RRM1: variants seen among roughly 807,000 people sequenced by gnomAD.
The protein encoded by RRM1 is ribonucleotide reductase catalytic subunit M1.
RRM1 carries 19 observed loss-of-function variants against 101.5 expected under a neutral mutation model. The observed-to-expected ratio is 0.19, with a 90% confidence interval of 0.13 to 0.27. The LOEUF (loss-of-function observed/expected upper bound fraction) is 0.27. Ranked by LOEUF, RRM1 falls within the 10% of genes least tolerant of loss-of-function variation. The pLI is 1.00. For missense variants in RRM1, 500 were observed against 962.9 expected, an observed-to-expected ratio of 0.52 and a Z score of 6.36; for synonymous variants, 298 against 323.4, an observed-to-expected ratio of 0.92 and a Z score of 0.84.
At chr11:4,110,768 C>CAAA (rs968622381) in intron 5 of RRM1, among the ~76,000 whole-genome samples, 3 of 51,352 alleles carry the variant, frequency 5.8e-5, no homozygotes, top group Non-Finnish European at 1.2e-4. Context: ...GACTCTGTCT[C>CAAA]AAAAAAAAAA....
chr11:4,120,701 G>C (rs1376380171), intron 9 of RRM1, among the ~76,000 whole-genome samples: 1 of 152,134 alleles, frequency 6.6e-6, no homozygotes, highest in Non-Finnish European at 1.5e-5. Context: ...AAACTACCTG[G>C]AATAACAAAA....
chr11:4,126,942 G>C, intron 13 of RRM1, 93 bp from the exon 14 acceptor site: 3 of 1,424,924 alleles, frequency 2.1e-6, no homozygotes, highest in Non-Finnish European at 2.9e-6. Flanking sequence ...AATGGTTTGA[G>C]AAAAAGAGGT....
rs34182882 is a variant in RRM1 at position 4,118,220 on chromosome 11, C to CT, written c.651-86dup. The stretch of plus-strand genomic sequence containing the variant: ...TTTAGGAACTTTCTAAACTTCAACT[C>CT]TTTTTTTTTTTTTTGCCTTAGTGTC... On this transcript the variant is annotated intron_variant, in intron 7 of 18. Coordinates refer to ENST00000300738, the MANE Select transcript of RRM1 (RefSeq NM_001033.5). 8,115 of 907,338 alleles carry CT rather than the reference C, an allele frequency of 8.9e-3. 12 individuals carry two copies. The highest frequency in any genetic ancestry group is 0.021 in the African/African-American group (1,164 of 55,424). The allele number at this position is 907,338 out of a possible 1,614,324, so 56.2% of individuals were successfully genotyped here.
chr11:4,116,252 G>A (rs1266693789), intron 7 of RRM1: 1 of 152,336 alleles, frequency 6.6e-6, no homozygotes, highest in African/African-American at 2.4e-5. Flanking sequence ...GAAATGCTGA[G>A]TCAGGGTGTC....
chr11:4,124,315 C>CT (rs1433023791), intron 12 of RRM1, among the ~76,000 whole-genome samples: 1 of 151,868 alleles, frequency 6.6e-6, no homozygotes, highest in Non-Finnish European at 1.5e-5. Flanking sequence ...TGACAGGCTG[C>CT]TTTGATCTTG....
intron 3 of RRM1, among the ~76,000 whole-genome samples, chr11:4,106,670 C>T (rs1332568515): frequency 6.6e-6 from 1 of 152,030 alleles, no homozygotes; most frequent in Non-Finnish European, 1.5e-5. Context: ...ATTGCTTGAA[C>T]CCGGGAGGCG....
chr11:4,099,792 G>A (rs768937199), intron 1 of RRM1, among the ~76,000 whole-genome samples: 1 of 152,022 alleles, frequency 6.6e-6, no homozygotes, highest in African/African-American at 2.4e-5. Context: ...ATAGAGAACT[G>A]TGTGTCATTG....
At chr11:4,123,504 G>T in intron 12 of RRM1, 120 bp downstream of exon 12, 1 of 766,534 alleles carries the variant, frequency 1.3e-6, no homozygotes, top group Non-Finnish European at 2.2e-6. Context: ...GTTGTAAGCA[G>T]AAGAACACTG....
chr11:4,111,190 TAAAA>T (rs1042854826), intron 5 of RRM1, among the ~76,000 whole-genome samples: 3 of 151,642 alleles, frequency 2.0e-5, no homozygotes, highest in African/African-American at 7.3e-5. Flanking sequence ...AAGTTTTTTT[TAAAA>T]AAAGTGCCAA....
intron 7 of RRM1, among the ~76,000 whole-genome samples, chr11:4,115,310 G>T (rs929092108): frequency 6.6e-6 from 1 of 152,036 alleles, no homozygotes; most frequent in Non-Finnish European, 1.5e-5. Flanking sequence ...AATTATGTGG[G>T]TGGGCCCTTA....
At chr11:4,131,518 C>T (rs911194869) in intron 15 of RRM1, among the ~76,000 whole-genome samples, 4 of 152,066 alleles carry the variant, frequency 2.6e-5, no homozygotes, top group African/African-American at 7.2e-5. Flanking sequence ...TTAAGGTATA[C>T]GGAAAGGTAC....
rs907012515 is a variant in RRM1 at position 4,098,407 on chromosome 11, G to A, written c.19+3376G>A. ...CTCCCCTCCCTCTCCCCCTCCCTCC[G>A]TCCCTTCCTCCTTCCTTCCTTCCTT... is the stretch of plus-strand genomic sequence containing the variant. On this transcript the variant is annotated intron_variant, in intron 1 of 18. Coordinates refer to ENST00000300738, the MANE Select transcript of RRM1 (RefSeq NM_001033.5). Among the ~76,000 whole-genome samples the A allele has an allele frequency of 2.1e-3, 153 of 72,136 alleles. 2 individuals carry two copies. The highest frequency in any genetic ancestry group is 7.7e-5 in the Non-Finnish European group (3 of 39,208). The allele number at this position is 72,136 out of a possible 152,430, so 47.3% of individuals were successfully genotyped here.
chr11:4,095,175 C>A, intron 1 of RRM1, 144 bp downstream of exon 1: 1 of 1,009,414 alleles, frequency 9.9e-7, no homozygotes, highest in Non-Finnish European at 1.5e-6. Context: ...CCTGTCAGCC[C>A]GCTCGGCCTT....
intron 15 of RRM1, among the ~76,000 whole-genome samples, chr11:4,130,066 T>TTATTTATATATATATATATATA (rs2094596611): frequency 3.0e-5 from 1 of 32,974 alleles, no homozygotes; most frequent in African/African-American, 1.0e-4. Context: ...TGTACTGTAT[T>TTATTTATATATATATATATATA]TATATATATA....
At position 4,138,514 on chromosome 11, in the gene RRM1, T is replaced by G. The variant is rs1214052313; in HGVS notation, c.*131T>G. 1.9e-4 allele frequency: 94 copies of G among 485,716 alleles called. No individual in the cohort carries two copies. The highest frequency in any genetic ancestry group is 6.7e-5 in the Non-Finnish European group (20 of 297,142). The allele number at this position is 485,716 out of a possible 1,614,324, so 30.1% of individuals were successfully genotyped here. A position where few individuals can be genotyped will look rare whatever the true frequency, so the allele number is the denominator to read the frequency against. ...GTTGCAGGCAAAAGGAGTAATTGAT[T>G]TAAAGTACTGTTAATGATGATAATG... On this transcript the variant is annotated 3_prime_UTR_variant, in exon 19 of 19. Coordinates refer to ENST00000300738, the MANE Select transcript of RRM1 (RefSeq NM_001033.5).
chr11:4,114,122 G>C (rs374407325), intron 7 of RRM1, among the ~76,000 whole-genome samples: 1 of 149,800 alleles, frequency 6.7e-6, no homozygotes, highest in Non-Finnish European at 1.5e-5. Context: ...GCAACAGAGC[G>C]AGACTCCGTC....
chr11:4,105,673 C>T (rs1201612904), intron 2 of RRM1: 7 of 417,746 alleles, frequency 1.7e-5, no homozygotes, highest in African/African-American at 1.1e-4. Context: ...CTCAGCTTCC[C>T]GAGTAGCTGG....
intron 9 of RRM1, among the ~76,000 whole-genome samples, chr11:4,121,219 G>A (rs756931725): frequency 2.6e-5 from 4 of 152,146 alleles, no homozygotes; most frequent in Non-Finnish European, 4.4e-5. Context: ...TGATAAGACA[G>A]ATCAACTTTT....
At chr11:4,133,032 A>G (rs1039877490) in intron 16 of RRM1, among the ~76,000 whole-genome samples, 1 of 152,118 alleles carries the variant, frequency 6.6e-6, no homozygotes, top group African/African-American at 2.4e-5. Flanking sequence ...TGCAAACGCC[A>G]TATGTTTCTT....
Sources: allele counts gnomAD v4.1 joint callset (sites outside exome capture counted in the v4.1 genomes callset), GRCh38; gene constraint gnomAD v4.1.1; transcripts MANE v1.5; gene names NCBI Gene and HGNC (gene_info 2026-07-23, HGNC 2026-07-21).